SHANK2: variants seen among roughly 807,000 people sequenced by gnomAD.
The protein encoded by SHANK2 is SH3 and multiple ankyrin repeat domains protein 2.
A neutral mutation model predicts 133.7 loss-of-function variants in SHANK2; 43 were observed. The observed-to-expected ratio is 0.32, with a 90% CI of 0.25 to 0.41. SHANK2 has a LOEUF of 0.41. SHANK2 is among the 10% of genes least tolerant of loss of function. SHANK2 has a pLI of 1.00. For synonymous variants in SHANK2, 1,017 were observed against 952.8 expected (o/e 1.07, Z -1.24); for missense variants, 1,994 against 2,235.8 (o/e 0.89, Z 2.18).
intron 2 of SHANK2, among the ~76,000 whole-genome samples, chr11:71,200,122 A>G (rs930135066): frequency 4.6e-5 from 7 of 152,226 alleles, no homozygotes; most frequent in Admixed American, 3.9e-4. Flanking sequence ...TAAACCCATT[A>G]GCAGCCACCT....
At chr11:70,640,854 C>T (rs534948334) in intron 17 of SHANK2, among the ~76,000 whole-genome samples, 24 of 152,162 alleles carry the variant, frequency 1.6e-4, no homozygotes, top group African/African-American at 3.6e-4. Flanking sequence ...AGAATCGAGG[C>T]GACTGCTGGG....
chr11:71,162,531 TA>T (rs781871166), intron 2 of SHANK2, among the ~76,000 whole-genome samples: 1 of 152,202 alleles, frequency 6.6e-6, no homozygotes, highest in Non-Finnish European at 1.5e-5. Context: ...AATGATTGTA[TA>T]GTAATATCAG....
At chr11:70,896,983 T>C (rs782062977) in intron 10 of SHANK2, among the ~76,000 whole-genome samples, 3 of 152,134 alleles carry the variant, frequency 2.0e-5, no homozygotes, top group Non-Finnish European at 4.4e-5. Flanking sequence ...CCAATCTACA[T>C]AACTGGAAAG....
intron 14 of SHANK2, among the ~76,000 whole-genome samples, chr11:70,761,651 T>C (rs1946999847): frequency 6.6e-6 from 1 of 152,190 alleles, no homozygotes; most frequent in Non-Finnish European, 1.5e-5. Flanking sequence ...TGTGTTCCAG[T>C]CCCTGGGGGT....
At chr11:71,123,475 G>C (rs1242095405) in intron 3 of SHANK2, among the ~76,000 whole-genome samples, 3 of 152,166 alleles carry the variant, frequency 2.0e-5, no homozygotes, top group Non-Finnish European at 2.9e-5. Context: ...ATGCGAGTCT[G>C]GGGTAGGACT....
At chr11:71,117,617 GC>G (rs1952003502) in intron 4 of SHANK2, among the ~76,000 whole-genome samples, 1 of 152,136 alleles carries the variant, frequency 6.6e-6, no homozygotes, top group South Asian at 2.1e-4. Flanking sequence ...CCTATGTAAT[GC>G]CTATGTAATG....
chr11:70,852,295 A>G (rs1413562942), intron 11 of SHANK2, among the ~76,000 whole-genome samples: 1 of 152,234 alleles, frequency 6.6e-6, no homozygotes, highest in Non-Finnish European at 1.5e-5. Flanking sequence ...ATATTGGGAG[A>G]GCGAGGAACG....
intron 22 of SHANK2, among the ~76,000 whole-genome samples, chr11:70,491,822 C>T (rs1157632688): frequency 3.3e-5 from 5 of 152,234 alleles, no homozygotes; most frequent in Non-Finnish European, 2.9e-5. Context: ...GACCATGGCA[C>T]GGGCAGCCTG....
intron 17 of SHANK2, among the ~76,000 whole-genome samples, chr11:70,528,381 A>G (rs2059425628): frequency 6.6e-6 from 1 of 152,186 alleles, no homozygotes; most frequent in African/African-American, 2.4e-5. Flanking sequence ...CGCGCAATGC[A>G]GGTGCCACCT....
intron 3 of SHANK2, among the ~76,000 whole-genome samples, chr11:71,133,346 A>ATGGCTGGCTGGCTGGCTGGCTGGCTGGC (rs57172693): frequency 8.9e-5 from 10 of 111,890 alleles, no homozygotes; most frequent in East Asian, 2.7e-4. Flanking sequence ...GGGAGGATGC[A>ATGGCTGGCTGGCTGGCTGGCTGGCTGGC]TGGCTGGCTG....
At chr11:70,912,196 T>C (rs1486891565) in intron 10 of SHANK2, among the ~76,000 whole-genome samples, 1 of 151,604 alleles carries the variant, frequency 6.6e-6, no homozygotes, top group Non-Finnish European at 1.5e-5. Context: ...CACGTGACCT[T>C]ATGCAAGCAG....
At chr11:70,644,526 G>A (rs888667590) in intron 17 of SHANK2, among the ~76,000 whole-genome samples, 3 of 152,234 alleles carry the variant, frequency 2.0e-5, no homozygotes, top group Non-Finnish European at 4.4e-5. Context: ...GGTGGACGCA[G>A]CGACAGGAAC....
intron 2 of SHANK2, among the ~76,000 whole-genome samples, chr11:71,176,777 A>AG (rs1953456020): frequency 6.6e-6 from 1 of 152,156 alleles, no homozygotes; most frequent in Admixed American, 6.6e-5. Context: ...CTAAAAAAAA[A>AG]GAGGGGGGAA....
At chr11:70,620,504 T>C (rs1319471463) in intron 17 of SHANK2, among the ~76,000 whole-genome samples, 1 of 152,194 alleles carries the variant, frequency 6.6e-6, no homozygotes, top group Non-Finnish European at 1.5e-5. Context: ...GCCTGGAGGC[T>C]GCCTGCCCCG....
chr11:71,074,400 C>T (rs1951191611), intron 9 of SHANK2, among the ~76,000 whole-genome samples: 1 of 152,296 alleles, frequency 6.6e-6, no homozygotes, highest in Non-Finnish European at 1.5e-5. Flanking sequence ...ACACAGGTCC[C>T]TCCCCCAGCT....
intron 11 of SHANK2, chr11:70,826,524 C>T (rs1555057244): frequency 2.1e-6 from 1 of 471,158 alleles, no homozygotes; most frequent in Admixed American, 2.3e-5. Context: ...ACTTTGGCAG[C>T]GGTCCGCTCA....
intron 14 of SHANK2, among the ~76,000 whole-genome samples, chr11:70,756,902 G>A (rs1946887816): frequency 6.9e-6 from 1 of 144,446 alleles, no homozygotes; most frequent in East Asian, 2.1e-4. Flanking sequence ...GATACATAGA[G>A]CAGACCCTGG....
chr11:70,937,932 G>T (rs1468695321), intron 10 of SHANK2, among the ~76,000 whole-genome samples: 1 of 152,044 alleles, frequency 6.6e-6, no homozygotes, highest in Admixed American at 6.6e-5. Context: ...TGTGTGTGTG[G>T]ATGCCTGTGT....
chr11:70,543,108 T>C (rs1433539422), intron 17 of SHANK2, among the ~76,000 whole-genome samples: 1 of 152,102 alleles, frequency 6.6e-6, no homozygotes, highest in Non-Finnish European at 1.5e-5. Context: ...GTGCTTTTCA[T>C]GGAACTGGAA....
Sources: allele counts gnomAD v4.1 joint callset (sites outside exome capture counted in the v4.1 genomes callset), GRCh38; gene constraint gnomAD v4.1.1; transcripts MANE v1.5; gene names NCBI Gene and HGNC (gene_info 2026-07-23, HGNC 2026-07-21).